ALDH1L1: variants seen among roughly 807,000 people sequenced by gnomAD.
The protein encoded by ALDH1L1 is aldehyde dehydrogenase 1 family member L1.
A neutral mutation model predicts 101.1 loss-of-function variants in ALDH1L1; 68 were observed. That is an observed-to-expected ratio of 0.67 (90% CI 0.55 to 0.82). ALDH1L1 has a LOEUF of 0.82. Among genes scored for constraint, ALDH1L1 ranks in the 40% least tolerant of loss-of-function variants. The pLI is 0.00. For missense variants in ALDH1L1, 1,087 were observed against 1,172.7 expected (o/e 0.93, Z 1.07); for synonymous variants, 486 against 470.8 (o/e 1.03, Z -0.42).
chr3:126,111,460 G>T (rs911209252), intron 19 of ALDH1L1, among the ~76,000 whole-genome samples: 1 of 152,196 alleles, frequency 6.6e-6, no homozygotes, highest in African/African-American at 2.4e-5. Context: ...GGCAAGCTCT[G>T]ACAAACCCAG....
intron 18 of ALDH1L1, 149 bp downstream of exon 18, chr3:126,114,408 T>G: frequency 1.8e-6 from 1 of 543,416 alleles, no homozygotes; most frequent in Non-Finnish European, 2.9e-6. Context: ...CTAAGCCTGC[T>G]GCCTGCCACG....
intron 22 of ALDH1L1, chr3:126,105,505 C>T (rs1346360561): frequency 1.2e-5 from 7 of 596,796 alleles, no homozygotes; most frequent in East Asian, 6.3e-5. Flanking sequence ...GTGTCTCCTC[C>T]AGGCCCCTCT....
At chr3:126,139,158 T>C (rs1364967546) in intron 9 of ALDH1L1, among the ~76,000 whole-genome samples, 1 of 152,242 alleles carries the variant, frequency 6.6e-6, no homozygotes, top group African/African-American at 2.4e-5. Flanking sequence ...GCTGAGAAGC[T>C]ATCACAAAGG....
chr3:126,178,339 C>T (rs551562950), intron 1 of ALDH1L1, among the ~76,000 whole-genome samples: 90 of 146,718 alleles, frequency 6.1e-4, no homozygotes, highest in African/African-American at 1.8e-3. Flanking sequence ...TGTGTTTGTG[C>T]CACTGCACTC....
intron 1 of ALDH1L1, among the ~76,000 whole-genome samples, chr3:126,164,612 A>G (rs763564689): frequency 1.4e-4 from 21 of 152,162 alleles, no homozygotes; most frequent in African/African-American, 2.9e-4. Context: ...TATTTATCCA[A>G]TCCACCATTG....
chr3:126,180,683 G>C (rs548330080), upstream of ALDH1L1: 13 of 1,374,276 alleles, frequency 9.5e-6, no homozygotes, highest in South Asian at 2.1e-4. Flanking sequence ...GCGCTCACCG[G>C]TGGTGGGACT....
At chr3:126,161,106 C>G in intron 1 of ALDH1L1, 104 bp from the exon 2 acceptor site, 2 of 1,358,810 alleles carry the variant, frequency 1.5e-6, no homozygotes, top group South Asian at 1.4e-5. Context: ...TGCTCTACCC[C>G]AGTCCCCTCT....
intron 16 of ALDH1L1, among the ~76,000 whole-genome samples, chr3:126,123,598 G>GA (rs574661579): frequency 3.7e-5 from 3 of 81,974 alleles, no homozygotes; most frequent in African/African-American, 1.5e-4. Context: ...ATTTGAACTA[G>GA]AAAAAAACTG....
At chr3:126,192,017 G>A (rs1237980564) in intron 1 of ALDH1L1, among the ~76,000 whole-genome samples, 1 of 152,170 alleles carries the variant, frequency 6.6e-6, no homozygotes, top group Non-Finnish European at 1.5e-5. Flanking sequence ...TAAGTAAAAA[G>A]CGAACAAATA....
chr3:126,181,013 A>T, upstream of ALDH1L1: 1 of 1,603,696 alleles, frequency 6.2e-7, no homozygotes, highest in Non-Finnish European at 8.5e-7. Flanking sequence ...GCCCTCCGGG[A>T]ATTTGCAGCC....
chr3:126,123,255 CTCTTTT>C (rs1219134546), intron 16 of ALDH1L1, among the ~76,000 whole-genome samples: 2 of 103,994 alleles, frequency 1.9e-5, no homozygotes, highest in African/African-American at 4.9e-5. Context: ...ATCACCAAAA[CTCTTTT>C]TTTTTTTTTT....
intron 9 of ALDH1L1, 89 bp downstream of exon 9, chr3:126,146,745 CA>C (rs1417993546): frequency 7.1e-7 from 1 of 1,411,588 alleles, no homozygotes; most frequent in African/African-American, 1.4e-5. Flanking sequence ...ATGAGTGTAA[CA>C]AATGGTTGTT....
chr3:126,133,609 T>C (rs1185710504), intron 12 of ALDH1L1, among the ~76,000 whole-genome samples: 1 of 152,234 alleles, frequency 6.6e-6, no homozygotes, highest in Non-Finnish European at 1.5e-5. Flanking sequence ...GAGGCTGCCT[T>C]GCAGGACTAT....
intron 22 of ALDH1L1, 126 bp downstream of exon 22, chr3:126,105,600 C>T: frequency 8.9e-7 from 1 of 1,121,892 alleles, no homozygotes; most frequent in Non-Finnish European, 1.3e-6. Context: ...AAGAAGCGAA[C>T]CCTGACAGCC....
At chr3:126,180,675 G>T (rs1032132250), upstream of ALDH1L1, 3 of 1,356,064 alleles carry the variant, frequency 2.2e-6, no homozygotes, top group South Asian at 3.4e-5. Flanking sequence ...TGGGGGCGGC[G>T]CTCACCGGTG....
upstream of ALDH1L1, among the ~76,000 whole-genome samples, chr3:126,183,564 C>G (rs2108350425): frequency 6.6e-6 from 1 of 152,258 alleles, no homozygotes; most frequent in South Asian, 2.1e-4. Flanking sequence ...AGACTGAGTC[C>G]TATTCAAGAG....
At position 126,105,780 on chromosome 3, in the gene ALDH1L1, C is replaced by T. The variant is rs775642396; in HGVS notation, c.2599G>A (p.Asp867Asn). 5.0e-6 allele frequency: 8 copies of T among 1,614,076 alleles called. No individual in the cohort carries two copies. Among genetic ancestry groups the T allele is most frequent in the East Asian group, 2.2e-5 (1 of 44,890 alleles). ...TVFVNTYNKT[D>N]VAAPFGGFKQ... ...AATCCTCCGAAGGGAGCGGCCACGTCGGTCTTGTTGTACGTGTTGACAAAC... is the reference window on the plus strand; with the variant it reads ...AATCCTCCGAAGGGAGCGGCCACGTTGGTCTTGTTGTACGTGTTGACAAAC... Residue 867 changes from aspartate to asparagine, a missense_variant, in exon 22 of 23, where the codon GAC becomes AAC. Physicochemically the swap from Asp to Asn is conservative, Grantham distance 23 (BLOSUM62 1). Transcript: ENST00000393434.
chr3:126,159,674 A>C (rs891652989), intron 2 of ALDH1L1: 1 of 383,096 alleles, frequency 2.6e-6, no homozygotes, highest in Non-Finnish European at 5.2e-6. Context: ...ATCTGAGATC[A>C]AGGCCAAGTA....
intron 2 of ALDH1L1, 73 bp from the exon 3 acceptor site, chr3:126,158,712 C>A: frequency 7.0e-7 from 1 of 1,430,938 alleles, no homozygotes; most frequent in Non-Finnish European, 9.7e-7. Context: ...GCCTTCCCAG[C>A]AGAGCAGCTC....
Sources: allele counts gnomAD v4.1 joint callset (sites outside exome capture counted in the v4.1 genomes callset), GRCh38; gene constraint gnomAD v4.1.1; transcripts MANE v1.5; gene names NCBI Gene and HGNC (gene_info 2026-07-23, HGNC 2026-07-21).